The following BBS2 variants were observed in gnomAD, a reference collection of about 807,000 sequenced individuals.
BBS2 encodes the protein Bardet-Biedl syndrome 2, also known as BBSome complex member BBS2.
Under a neutral mutation model 83.0 loss-of-function variants are expected in BBS2, and 62 were observed. The observed-to-expected ratio is 0.75, with a 90% confidence interval of 0.61 to 0.92. BBS2 has a LOEUF of 0.92. Ranked by LOEUF, BBS2 falls within the 40% of genes least tolerant of loss-of-function variation. The probability of loss-of-function intolerance (pLI) is 0.00; values close to 1 mark genes in which losing one functional copy is unlikely to be tolerated. For synonymous variants in BBS2, 303 were observed against 326.1 expected (o/e 0.93, Z 0.76); for missense variants, 784 against 901.0 (o/e 0.87, Z 1.66).
intron 15 of BBS2, among the ~76,000 whole-genome samples, chr16:56,487,270 T>G (rs1050255374): frequency 7.3e-5 from 11 of 151,272 alleles, no homozygotes; most frequent in Non-Finnish European, 1.0e-4. Context: ...AAGAGAGAGA[T>G]AGAGAGATAG....
chr16:56,484,713 TTAACAGAA>T lies in BBS2; in HGVS notation c.*40_*47del, dbSNP rs1340158261. Reference sequence around the variant, plus strand: ...ATCCAAAGCAAACCAGCATAGGTTTTTAACAGAAAATCTTTGCCAGGAACTTCATGACC... The same window carrying T: ...ATCCAAAGCAAACCAGCATAGGTTTTAATCTTTGCCAGGAACTTCATGACC... On this transcript the variant is annotated 3_prime_UTR_variant, in exon 17 of 17. Coordinates refer to ENST00000245157, the MANE Select transcript of BBS2 (RefSeq NM_031885.5). 1 of 1,553,450 alleles carries T rather than the reference TTAACAGAA, an allele frequency of 6.4e-7. No homozygotes were observed. The highest frequency in any genetic ancestry group is 2.2e-5 in the East Asian group (1 of 44,464).
chr16:56,493,927 A>G (rs1964034668), intron 15 of BBS2, among the ~76,000 whole-genome samples: 1 of 152,242 alleles, frequency 6.6e-6, no homozygotes, highest in Admixed American at 6.5e-5. Context: ...AAAATGAAGC[A>G]AATAGTTATG....
intron 2 of BBS2, 91 bp from the exon 3 acceptor site, chr16:56,511,375 T>G: frequency 6.4e-7 from 1 of 1,554,776 alleles, no homozygotes; most frequent in Non-Finnish European, 8.8e-7. Flanking sequence ...ACTGAGCAGA[T>G]TTTGAGTAAA....
intron 1 of BBS2, among the ~76,000 whole-genome samples, chr16:56,515,456 A>G (rs1964707818): frequency 6.6e-6 from 1 of 152,164 alleles, no homozygotes; most frequent in South Asian, 2.1e-4. Flanking sequence ...AGAGATACAA[A>G]GTATATCTGA....
At chr16:56,473,131 C>T (rs8044359) in intron 17 of BBS2, among the ~76,000 whole-genome samples, 34,520 of 152,070 alleles carry the variant, frequency 0.23, 4,518 homozygotes, top group African/African-American at 0.36. Flanking sequence ...GGGGTTTCAC[C>T]GTGTTAGCCA....
In BBS2 at chr16:56,484,719, G is replaced by T; in HGVS notation, c.*42C>A. The T allele has an allele frequency of 1.3e-6, 2 of 1,569,254 alleles. No homozygotes were observed. The highest frequency in any genetic ancestry group is 1.8e-6 in the Non-Finnish European group (2 of 1,140,526). On this transcript the variant is annotated 3_prime_UTR_variant, in exon 17 of 17. Transcript: ENST00000245157. Reference sequence around the variant, plus strand: ...AGCAAACCAGCATAGGTTTTTAACAGAAAATCTTTGCCAGGAACTTCATGA... The same window carrying T: ...AGCAAACCAGCATAGGTTTTTAACATAAAATCTTTGCCAGGAACTTCATGA...
chr16:56,475,377 G>A (rs1963412691), intron 17 of BBS2: 1 of 836,654 alleles, frequency 1.2e-6, no homozygotes. Flanking sequence ...AAGCTCATAA[G>A]TCATAGAACC....
Position 56,501,454 on chromosome 16 carries a change from C to A in BBS2, c.1124G>T (p.Gly375Val), listed in dbSNP as rs1425852509. ...SPLNEADGHRGIIPANTRLHT... is the reference protein window; with the variant it reads ...SPLNEADGHRVIIPANTRLHT... ...GAGCCTGGTATTGGCTGGGATTATG[C>A]CCCGATGCCCATCAGCCTCGTTCAG... Residue 375 changes from glycine (G) to valine (V), a missense_variant, in exon 10 of 17, where the codon GGC becomes GTC. Transcript: ENST00000245157. The A allele has an allele frequency of 6.2e-7, 1 of 1,613,980 alleles. No individual in the cohort carries two copies. The highest frequency in any genetic ancestry group is 8.5e-7 in the Non-Finnish European group (1 of 1,180,014).
chr16:56,492,526 A>C (rs1377622903), intron 15 of BBS2, among the ~76,000 whole-genome samples: 2 of 152,242 alleles, frequency 1.3e-5, no homozygotes, highest in Admixed American at 6.5e-5. Flanking sequence ...TTGCTTACCA[A>C]TAGTTTCAGT....
At position 56,476,421 on chromosome 16, in the gene BBS2, CTTTTTTT is replaced by C. The variant is rs369101951; in HGVS notation, c.*1-5733_*1-5727del. The C allele has an allele frequency of 2.9e-3, 824 of 287,540 alleles. 7 individuals are homozygous for C. The highest frequency in any genetic ancestry group is 0.018 in the African/African-American group (763 of 42,928). The allele number at this position is 287,540 out of a possible 1,614,324, so 17.8% of individuals were successfully genotyped here. On this transcript the variant is annotated intron_variant, in intron 17 of 17. Transcript: ENST00000682047. ...CTCTTGATTAAAAAAAAAAAGTTGG[CTTTTTTT>C]TTTTTAACATTTAGTCCTTTTTCCA...
chr16:56,471,739 G>C (rs746307623), intron 17 of BBS2, among the ~76,000 whole-genome samples: 7 of 152,230 alleles, frequency 4.6e-5, no homozygotes, highest in Non-Finnish European at 7.3e-5. Context: ...TTCCAAAACT[G>C]ACTGAACAGT....
intron 2 of BBS2, among the ~76,000 whole-genome samples, chr16:56,512,784 C>T (rs931967831): frequency 3.3e-5 from 5 of 152,118 alleles, no homozygotes; most frequent in African/African-American, 1.2e-4. Context: ...TATAGGGATC[C>T]AAACTCATTG....
intron 15 of BBS2, among the ~76,000 whole-genome samples, chr16:56,490,907 G>A (rs1304455497): frequency 1.3e-5 from 2 of 151,426 alleles, no homozygotes; most frequent in Non-Finnish European, 2.9e-5. Flanking sequence ...GACTACAGGC[G>A]CCCGCCACCA....
rs1409020479 is a variant in BBS2 at position 56,515,503 on chromosome 16, A to T, written c.118-823T>A. ...TTCACTGGGAAAATTTTCTTGGTCTAAAAAAGTTCCAAGGTGGGCAATATG... is the reference window on the plus strand; with the variant it reads ...TTCACTGGGAAAATTTTCTTGGTCTTAAAAAGTTCCAAGGTGGGCAATATG... On this transcript the variant is annotated intron_variant, in intron 1 of 16. Coordinates refer to ENST00000245157, the MANE Select transcript of BBS2 (RefSeq NM_031885.5). Among the ~76,000 whole-genome samples the T allele has an allele frequency of 2.6e-5, 4 of 152,206 alleles. No individual in the cohort carries two copies. In the East Asian group the frequency reaches 7.7e-4, roughly 29 times the overall value.
Position 56,510,851 on chromosome 16 carries a change from C to G in BBS2, c.534+8G>C, listed in dbSNP as rs1269453283. ...ACACACAAGAGAGATATCTCCTCCCCCACATACCTCTTTCTTTCCATCACC... is the reference window on the plus strand; with the variant it reads ...ACACACAAGAGAGATATCTCCTCCCGCACATACCTCTTTCTTTCCATCACC... On this transcript the variant is annotated splice_region_variant and intron_variant, in intron 4 of 16. Transcript: ENST00000245157. 1 of 1,613,806 alleles carries G rather than the reference C, an allele frequency of 6.2e-7. No individual in the cohort carries two copies. The highest frequency in any genetic ancestry group is 8.5e-7 in the Non-Finnish European group (1 of 1,179,706).
chr16:56,475,401 C>T lies in BBS2; in HGVS notation c.*1-4706G>A, dbSNP rs1426464572. ...AGTCATAGAACCAGTTACTGCTGAA[C>T]TCCCAGATCCCCCACTGTTAAGCAG... On this transcript the variant is annotated intron_variant, in intron 17 of 17. Transcript: ENST00000682047. The T allele has an allele frequency of 8.9e-6, 9 of 1,008,446 alleles. No individual in the cohort carries two copies. The Admixed American group carries it at 1.4e-4, about 16-fold the overall frequency. 62.5% of individuals were successfully genotyped at this position (1,008,446 alleles called of 1,614,324 possible).
At chr16:56,480,366 C>CAAAAAAAAAAAAAAAAAAAAAAAAAAAAA (rs1157907841), downstream of BBS2, among the ~76,000 whole-genome samples, 1 of 90,260 alleles carries the variant, frequency 1.1e-5, no homozygotes, top group African/African-American at 4.2e-5. Flanking sequence ...AAAAAAAAAA[C>CAAAAAAAAAAAAAAAAAAAAAAAAAAAAA]AAAAAAAAAA....
rs564677609 is a variant in BBS2 at position 56,504,856 on chromosome 16, T to TA, written c.804+1093dup. Reference sequence around the variant, plus strand: ...CTATGCTGAATCCTATTAGCCAAGGTAATGAATGGTATTGGCAAGTAGAGC... The same window carrying TA: ...CTATGCTGAATCCTATTAGCCAAGGTAAATGAATGGTATTGGCAAGTAGAGC... On this transcript the variant is annotated intron_variant, in intron 7 of 16. Transcript: ENST00000245157. 7.9e-4 allele frequency among the ~76,000 whole-genome samples: 121 copies of TA among 152,276 alleles called. 1 individual carries two copies. The South Asian group carries it at 0.012, about 16-fold the overall frequency.
chr16:56,511,332 G>T, intron 2 of BBS2, 48 bp from the exon 3 acceptor site: 1 of 1,610,200 alleles, frequency 6.2e-7, no homozygotes, highest in Non-Finnish European at 8.5e-7. Context: ...TAATATGCAG[G>T]CCCACATATT....
Sources: gnomAD v4.1 joint callset for allele counts (sites outside exome capture counted in the v4.1 genomes callset) on GRCh38, gnomAD v4.1.1 for gene constraint, MANE v1.5 for transcripts, NCBI Gene and HGNC (gene_info 2026-07-23, HGNC 2026-07-21) for gene names.